The following MACROD2 variants were observed in gnomAD, a reference collection of about 807,000 sequenced individuals.
The protein encoded by MACROD2 is mono-ADP ribosylhydrolase 2.
In MACROD2, 36 loss-of-function variants were observed where a neutral mutation model predicts 70.4. The ratio of observed to expected loss-of-function variants is 0.51; its 90% CI spans 0.39 to 0.68. The LOEUF is 0.68. Among genes scored for constraint, MACROD2 ranks in the 30% least tolerant of loss-of-function variants. The pLI is 0.00. For missense variants in MACROD2, 496 were observed against 538.4 expected, an observed-to-expected ratio of 0.92 and a Z score of 0.78; for synonymous variants, 172 against 178.8, an observed-to-expected ratio of 0.96 and a Z score of 0.30.
intron 3 of MACROD2, among the ~76,000 whole-genome samples, chr20:14,219,975 T>C (rs1159234943): frequency 1.3e-5 from 2 of 152,140 alleles, no homozygotes; most frequent in Non-Finnish European, 2.9e-5. Flanking sequence ...TTAGCATTGA[T>C]GGTTTAATAT....
chr20:15,770,059 AAATTTATTTTTTT>A (rs1222558692), intron 8 of MACROD2, among the ~76,000 whole-genome samples: 2 of 148,164 alleles, frequency 1.3e-5, no homozygotes, highest in Non-Finnish European at 3.0e-5. Flanking sequence ...TCTTGCCCAT[AAATTTATTTTTTT>A]AATTTATTTT....
At chr20:15,189,703 T>C (rs891232656) in intron 5 of MACROD2, among the ~76,000 whole-genome samples, 1 of 152,166 alleles carries the variant, frequency 6.6e-6, no homozygotes, top group Non-Finnish European at 1.5e-5. Context: ...TATCCTGGTG[T>C]TCAAGAAATA....
chr20:14,976,444 A>G (rs913478183), intron 5 of MACROD2, among the ~76,000 whole-genome samples: 1 of 152,102 alleles, frequency 6.6e-6, no homozygotes, highest in Non-Finnish European at 1.5e-5. Context: ...TGTCTCCTCT[A>G]TGACTTCCTG....
chr20:15,178,379 T>A (rs1211604490), intron 5 of MACROD2, among the ~76,000 whole-genome samples: 1 of 152,218 alleles, frequency 6.6e-6, no homozygotes, highest in East Asian at 1.9e-4. Context: ...CAAACTTTAA[T>A]GACTATGAGG....
intron 5 of MACROD2, among the ~76,000 whole-genome samples, chr20:14,841,805 A>T (rs560938189): frequency 1.3e-5 from 2 of 152,094 alleles, no homozygotes. Flanking sequence ...TAATAAAGAA[A>T]TATTCTATGA....
At chr20:15,028,878 G>A (rs541223774) in intron 5 of MACROD2, among the ~76,000 whole-genome samples, 2 of 152,334 alleles carry the variant, frequency 1.3e-5, no homozygotes, top group South Asian at 4.1e-4. Context: ...AGGATGGCAA[G>A]TAATGAGGTT....
At chr20:14,829,231 G>A (rs1293745693) in intron 5 of MACROD2, among the ~76,000 whole-genome samples, 1 of 149,020 alleles carries the variant, frequency 6.7e-6, no homozygotes, top group African/African-American at 2.5e-5. Flanking sequence ...CCGGGTTCAT[G>A]CCATTCTCCT....
At chr20:14,834,768 T>C (rs2073010268) in intron 5 of MACROD2, among the ~76,000 whole-genome samples, 1 of 151,952 alleles carries the variant, frequency 6.6e-6, no homozygotes, top group Admixed American at 6.6e-5. Flanking sequence ...ATCAGGGTAA[T>C]AGAAATTAGG....
chr20:15,179,832 T>G (rs1162773945), intron 5 of MACROD2, among the ~76,000 whole-genome samples: 1 of 152,160 alleles, frequency 6.6e-6, no homozygotes, highest in Non-Finnish European at 1.5e-5. Context: ...ATTTAAAGAT[T>G]CCCAAATTGC....
chr20:15,832,495 G>T (rs1273847794), intron 8 of MACROD2, among the ~76,000 whole-genome samples: 1 of 152,182 alleles, frequency 6.6e-6, no homozygotes, highest in East Asian at 1.9e-4. Flanking sequence ...AGACCATGAA[G>T]GGATGAACTG....
At chr20:15,545,412 C>T (rs541774755) in intron 8 of MACROD2, among the ~76,000 whole-genome samples, 10 of 152,174 alleles carry the variant, frequency 6.6e-5, no homozygotes, top group South Asian at 4.2e-4. Context: ...CTTTTTGTTC[C>T]GTAATGATAT....
Position 15,546,478 on chromosome 20 carries a change from T to C in MACROD2, c.645+46631T>C, listed in dbSNP as rs1486411813. On this transcript the variant is annotated intron_variant, in intron 8 of 17. Coordinates refer to ENST00000684519, the MANE Select transcript of MACROD2 (RefSeq NM_001351661.2). ...CAGCCAGGGCAGCTTGATTTCAAGA[T>C]ATCTCAATACTGAAGTTAAAACTTG... 2.0e-5 allele frequency among the ~76,000 whole-genome samples: 3 copies of C among 152,228 alleles called. No homozygotes were observed. In the East Asian group the frequency reaches 5.8e-4, roughly 29 times the overall value.
intron 4 of MACROD2, among the ~76,000 whole-genome samples, chr20:14,501,296 T>C (rs2084912029): frequency 6.6e-6 from 1 of 152,152 alleles, no homozygotes; most frequent in Non-Finnish European, 1.5e-5. Context: ...AGGGAAAGCC[T>C]ATTGTTTCAT....
intron 8 of MACROD2, among the ~76,000 whole-genome samples, chr20:15,544,996 A>T (rs2146575233): frequency 6.6e-6 from 1 of 152,254 alleles, no homozygotes; most frequent in African/African-American, 2.4e-5. Context: ...TCATTTGAAA[A>T]TGTTTTCCTG....
Position 14,664,989 on chromosome 20 carries a change from G to T in MACROD2, c.302-19854G>T, listed in dbSNP as rs928193468. 7.2e-5 allele frequency among the ~76,000 whole-genome samples: 11 copies of T among 152,216 alleles called. 1 individual carries two copies. Among genetic ancestry groups the T allele is most frequent in the African/African-American group, 2.6e-4 (11 of 41,538 alleles). ...GCATGGCTAAGAGAAGTTACATGTG[G>T]ACAGCACTCGGATTTCAACTAGTTG... On this transcript the variant is annotated intron_variant, in intron 4 of 17. Transcript: ENST00000684519.
intron 5 of MACROD2, among the ~76,000 whole-genome samples, chr20:15,090,913 C>T (rs1008710513): frequency 1.3e-5 from 2 of 152,026 alleles, no homozygotes; most frequent in Admixed American, 6.6e-5. Context: ...TTCCCCCTGC[C>T]ATCATGTTCA....
At chr20:15,557,654 A>T (rs1421033549) in intron 8 of MACROD2, among the ~76,000 whole-genome samples, 2 of 152,202 alleles carry the variant, frequency 1.3e-5, no homozygotes, top group Non-Finnish European at 2.9e-5. Flanking sequence ...TAGCCCAAGT[A>T]ATGGTCACAC....
intron 5 of MACROD2, among the ~76,000 whole-genome samples, chr20:15,112,564 T>C (rs1035797360): frequency 6.6e-6 from 1 of 152,150 alleles, no homozygotes; most frequent in Non-Finnish European, 1.5e-5. Flanking sequence ...AACTAAGAAA[T>C]GGTAAAACCC....
At chr20:14,635,035 G>A (rs1320285890) in intron 4 of MACROD2, among the ~76,000 whole-genome samples, 2 of 152,200 alleles carry the variant, frequency 1.3e-5, no homozygotes, top group African/African-American at 4.8e-5. Flanking sequence ...TGAGTGCAGA[G>A]TGCAATGAGG....
Sources: allele counts gnomAD v4.1 joint callset (sites outside exome capture counted in the v4.1 genomes callset), GRCh38; gene constraint gnomAD v4.1.1; transcripts MANE v1.5; gene names NCBI Gene and HGNC (gene_info 2026-07-23, HGNC 2026-07-21).